Variants in KCNQ1 observed in about 807,000 individuals in gnomAD.
KCNQ1 encodes the protein potassium voltage-gated channel subfamily Q member 1.
Under a neutral mutation model 72.4 loss-of-function variants are expected in KCNQ1, and 49 were observed. The observed-to-expected ratio is 0.68, with a 90% CI of 0.54 to 0.86. The LOEUF is 0.86. KCNQ1 is among the 40% of genes least tolerant of loss of function. The pLI, the probability that KCNQ1 is intolerant of heterozygous loss-of-function variation, is 0.00. For missense variants in KCNQ1, 790 were observed against 945.1 expected (o/e 0.84, Z 2.15); for synonymous variants, 450 against 412.6 (o/e 1.09, Z -1.10).
At chr11:2,527,216 G>C (rs796289287) in intron 1 of KCNQ1, among the ~76,000 whole-genome samples, 5 of 152,270 alleles carry the variant, frequency 3.3e-5, no homozygotes, top group African/African-American at 7.2e-5. Flanking sequence ...GCCTTGGAAA[G>C]GAGGAAGTGA....
rs187151258 is a variant in KCNQ1, at chr11:2,720,692, C to A, written c.1515-48152C>A. Among the ~76,000 whole-genome samples the A allele has an allele frequency of 1.3e-3, 198 of 152,306 alleles. 1 individual carries two copies. The highest frequency in any genetic ancestry group is 4.1e-3 in the African/African-American group (171 of 41,566). ...GAAACAGCATTAGCCACCACCAGCCCCTTCCCCCTTTTGCAGGGCGGCTCC... is the reference window on the plus strand; with the variant it reads ...GAAACAGCATTAGCCACCACCAGCCACTTCCCCCTTTTGCAGGGCGGCTCC... On this transcript the variant is annotated intron_variant, in intron 11 of 15. Coordinates refer to ENST00000155840, the MANE Select transcript of KCNQ1 (RefSeq NM_000218.3). This position sits in a 1 kb window ranked among gnomAD's most constrained non-coding sequence, Gnocchi z 5.1.
intron 2 of KCNQ1, among the ~76,000 whole-genome samples, chr11:2,551,315 A>T (rs1460562766): frequency 6.6e-6 from 1 of 152,014 alleles, no homozygotes; most frequent in Non-Finnish European, 1.5e-5. Flanking sequence ...TCCTGTCCCC[A>T]TGGTTTTGCC....
intron 11 of KCNQ1, chr11:2,699,803 G>A (rs1027003930): frequency 1.8e-5 from 7 of 397,388 alleles, no homozygotes; most frequent in African/African-American, 8.3e-5. Flanking sequence ...GGGGCGCGCC[G>A]GGGAGAACCA....
chr11:2,794,037 G>A (rs1350779079), intron 15 of KCNQ1, among the ~76,000 whole-genome samples: 1 of 152,206 alleles, frequency 6.6e-6, no homozygotes, highest in Non-Finnish European at 1.5e-5. Context: ...ACATCCTCCT[G>A]AGGCCATGAG....
chr11:2,833,479 G>T (rs1482436333), intron 15 of KCNQ1, among the ~76,000 whole-genome samples: 1 of 152,208 alleles, frequency 6.6e-6, no homozygotes, highest in Non-Finnish European at 1.5e-5. Context: ...CAGCTGTCAG[G>T]CCCCAAGTCA....
At chr11:2,665,473 C>T (rs865810799) in intron 11 of KCNQ1, 21 of 396,350 alleles carry the variant, frequency 5.3e-5, no homozygotes, top group Middle Eastern at 6.2e-4. Context: ...TGGGTGGGGA[C>T]GGTGCCATGC....
rs773374158 is a variant in KCNQ1, at chr11:2,462,644, C to T, written c.386+17160C>T. Among the ~76,000 whole-genome samples the T allele has an allele frequency of 4.6e-5, 7 of 152,058 alleles. No individual in the cohort carries two copies. The highest frequency in any genetic ancestry group is 1.7e-4 in the African/African-American group (7 of 41,468). ...ACTTCTGTGTGCCCTGGGGCCTGCTCTCTTGGTAGGGGTTGACCCTGCCTG... is the reference window on the plus strand; with the variant it reads ...ACTTCTGTGTGCCCTGGGGCCTGCTTTCTTGGTAGGGGTTGACCCTGCCTG... On this transcript the variant is annotated intron_variant, in intron 1 of 15. Coordinates refer to ENST00000155840, the MANE Select transcript of KCNQ1 (RefSeq NM_000218.3). This position sits in a 1 kb window ranked among gnomAD's most constrained non-coding sequence, Gnocchi z 8.2.
intron 1 of KCNQ1, among the ~76,000 whole-genome samples, chr11:2,487,687 A>G (rs1012786423): frequency 1.3e-5 from 2 of 152,170 alleles, no homozygotes; most frequent in East Asian, 3.8e-4. Context: ...GCATATAGAA[A>G]TGCAACTGAT....
At chr11:2,568,298 TAAATAAAG>T (rs1210992731) in intron 2 of KCNQ1, among the ~76,000 whole-genome samples, 1 of 125,122 alleles carries the variant, frequency 8.0e-6, no homozygotes, top group African/African-American at 3.5e-5. Context: ...AATAAATAAA[TAAATAAAG>T]TGCATCAAAA....
chr11:2,754,061 T>G (rs1306895799), intron 11 of KCNQ1, among the ~76,000 whole-genome samples: 1 of 152,210 alleles, frequency 6.6e-6, no homozygotes, highest in Non-Finnish European at 1.5e-5. Context: ...CAGGAACACA[T>G]GCACATGAAC....
intron 1 of KCNQ1, among the ~76,000 whole-genome samples, chr11:2,512,417 G>A (rs1308191611): frequency 6.6e-6 from 1 of 152,102 alleles, no homozygotes; most frequent in African/African-American, 2.4e-5. Context: ...CTCCCTCTCT[G>A]AATCCCCATT....
chr11:2,622,356 A>G lies in KCNQ1; in HGVS notation c.1393+33502A>G, dbSNP rs73415372. The G allele has an allele frequency of 3.4e-3, 1,338 of 398,258 alleles. 16 individuals carry two copies. Among genetic ancestry groups the G allele is most frequent in the African/African-American group, 0.026 (1,243 of 48,702 alleles). 24.7% of individuals were successfully genotyped at this position (398,258 alleles called of 1,614,324 possible). ...ATTCAAGTTTATTTCTTTTATTAGT[A>G]TAATTACCTCCAGCTTTCTTTAGGT... On this transcript the variant is annotated intron_variant, in intron 10 of 15. Coordinates refer to ENST00000155840, the MANE Select transcript of KCNQ1 (RefSeq NM_000218.3).
chr11:2,684,292 G>A (rs1221396528), intron 11 of KCNQ1: 10 of 398,472 alleles, frequency 2.5e-5, no homozygotes, highest in Non-Finnish European at 2.7e-5. Flanking sequence ...CTGGAGCATT[G>A]CAACTCATTT....
At chr11:2,586,296 C>T (rs1354247941) in intron 8 of KCNQ1, among the ~76,000 whole-genome samples, 5 of 152,238 alleles carry the variant, frequency 3.3e-5, no homozygotes, top group African/African-American at 4.8e-5. Flanking sequence ...TGTCAGGGGC[C>T]AGTCGCAGTC....
At chr11:2,466,259 T>C (rs977293505) in intron 1 of KCNQ1, among the ~76,000 whole-genome samples, 1 of 152,070 alleles carries the variant, frequency 6.6e-6, no homozygotes, top group Non-Finnish European at 1.5e-5. Context: ...GGAGAAGCGA[T>C]CTCCAAAGGG....
intron 15 of KCNQ1, among the ~76,000 whole-genome samples, chr11:2,820,586 G>T (rs755541829): frequency 5.9e-5 from 9 of 152,120 alleles, no homozygotes; most frequent in Non-Finnish European, 1.2e-4. Context: ...TTGTTTGTTT[G>T]TTTGTTAGTT....
At chr11:2,606,475 T>G (rs966915385) in intron 10 of KCNQ1, among the ~76,000 whole-genome samples, 2 of 152,168 alleles carry the variant, frequency 1.3e-5, no homozygotes, top group African/African-American at 2.4e-5. Flanking sequence ...GAGCTGGTTG[T>G]TTAAAGAATC....
intron 10 of KCNQ1, among the ~76,000 whole-genome samples, chr11:2,591,629 T>A (rs1373722900): frequency 1.3e-5 from 2 of 152,226 alleles, no homozygotes; most frequent in Non-Finnish European, 2.9e-5. Context: ...GCTTGCTGAA[T>A]GCGGGGCAGC....
In KCNQ1 at chr11:2,752,007, C is replaced by T. The variant is rs1846233948; in HGVS notation, c.1515-16837C>T. On this transcript the variant is annotated intron_variant, in intron 11 of 15. Transcript: ENST00000155840. This position sits in a 1 kb window ranked among gnomAD's most constrained non-coding sequence, Gnocchi z 5.2. ...TTCTCGGTTGCCGCTGCCACCTTGGCACCTCTCTGGGGTACCTTGTACTGC... is the reference window on the plus strand; with the variant it reads ...TTCTCGGTTGCCGCTGCCACCTTGGTACCTCTCTGGGGTACCTTGTACTGC... Among the ~76,000 whole-genome samples, 1 of 152,260 alleles carries T rather than the reference C, an allele frequency of 6.6e-6. No homozygotes were observed. The highest frequency in any genetic ancestry group is 1.9e-4 in the East Asian group (1 of 5,200).
Sources: allele counts gnomAD v4.1 joint callset (sites outside exome capture counted in the v4.1 genomes callset), GRCh38; gene constraint gnomAD v4.1.1; non-coding constraint Gnocchi (gnomAD v3.1); transcripts MANE v1.5; gene names NCBI Gene and HGNC (gene_info 2026-07-23, HGNC 2026-07-21).